ZNF778: variants seen among roughly 807,000 people sequenced by gnomAD.
ZNF778 encodes zinc finger protein 778.
In ZNF778, 37 loss-of-function variants were observed where a neutral mutation model predicts 23.9. That is an observed-to-expected ratio of 1.54 (90% CI 1.19 to 2.03). The LOEUF (loss-of-function observed/expected upper bound fraction) is 2.03. Among genes scored for constraint, ZNF778 ranks in the 30% most tolerant of loss-of-function variants. The probability of loss-of-function intolerance (pLI) is 0.00; values close to 1 mark genes in which losing one functional copy is unlikely to be tolerated. For missense variants in ZNF778, 1,297 were observed against 934.4 expected, an observed-to-expected ratio of 1.39 and a Z score of -5.06; for synonymous variants, 483 against 343.9, an observed-to-expected ratio of 1.40 and a Z score of -4.48.
In ZNF778 at chr16:89,233,808, G is replaced by A. The variant is rs573473858; in HGVS notation, c.*5246G>A. The A allele has an allele frequency of 2.0e-5, 26 of 1,291,050 alleles. No individual in the cohort carries two copies. Among genetic ancestry groups the A allele is most frequent in the African/African-American group, 4.6e-5 (3 of 65,914 alleles). 80.0% of individuals were successfully genotyped at this position (1,291,050 alleles called of 1,614,324 possible). A position where few individuals can be genotyped will look rare whatever the true frequency, so the allele number is the denominator to read the frequency against. ...GCGTATGCAACTCAGCTCGCACTGC[G>A]TATGCAACTCAACTGTTGCAAGTAC... On this transcript the variant is annotated 3_prime_UTR_variant, in exon 7 of 7. Transcript: ENST00000433976.
Position 89,228,944 on chromosome 16 carries a change from G to A in ZNF778, c.*382G>A, listed in dbSNP as rs887192130. 1.8e-5 allele frequency: 18 copies of A among 1,005,100 alleles called. No homozygotes were observed. The highest frequency in any genetic ancestry group is 2.1e-4 in the East Asian group (2 of 9,556). 62.3% of individuals were successfully genotyped at this position (1,005,100 alleles called of 1,614,324 possible). A position where few individuals can be genotyped will look rare whatever the true frequency, so the allele number is the denominator to read the frequency against. ...CATCTTTCCTCACCCTTTAGTAAAC[G>A]TGGTGATTGACACTTGAAGTGTTGT... On this transcript the variant is annotated 3_prime_UTR_variant, in exon 7 of 7. Coordinates refer to ENST00000433976, the MANE Select transcript of ZNF778 (RefSeq NM_001201407.2).
chr16:89,227,192 G>C lies in ZNF778; in HGVS notation c.904G>C (p.Val302Leu). The C allele has an allele frequency of 6.2e-7, 1 of 1,613,924 alleles. No homozygotes were observed. Among genetic ancestry groups the C allele is most frequent in the South Asian group, 1.1e-5 (1 of 91,080 alleles). ...TGCCTACCTTACTGGTCGCGTGCAA[G>C]TCCACCCTGGGGAAAAGCCCTGTGA... The part of the protein sequence containing the change: ...YTAYLTGRVQ[V>L]HPGEKPCELE... Residue 302 changes from valine to leucine, a missense_variant, in exon 7 of 7, where the codon GTC becomes CTC. By Grantham distance (32) the Val-to-Leu change is conservative (BLOSUM62 1). Transcript: ENST00000433976.
rs968692862 is a variant in ZNF778, at chr16:89,226,938, A to T, written c.650A>T (p.Gln217Leu). The T allele has an allele frequency of 6.2e-7, 1 of 1,613,894 alleles. No individual in the cohort carries two copies. Among genetic ancestry groups the T allele is most frequent in the African/African-American group, 1.3e-5 (1 of 74,932 alleles). Reference sequence around the variant, plus strand: ...TCTACTCCAAATGTTGTTTCCCAGCAAGCATGCACTCGGGACAGATCTCTT... The same window carrying T: ...TCTACTCCAAATGTTGTTTCCCAGCTAGCATGCACTCGGGACAGATCTCTT... ...FSSTPNVVSQ[Q>L]ACTRDRSLDY... Residue 217 changes from glutamine to leucine, a missense_variant, in exon 7 of 7, where the codon CAA becomes CTA. Physicochemically the swap from Gln to Leu is moderately radical, Grantham distance 113. Transcript: ENST00000433976.
Position 89,229,948 on chromosome 16 carries a change from G to T in ZNF778, c.*1386G>T, listed in dbSNP as rs923736545. 10 of 982,526 alleles carry T rather than the reference G, an allele frequency of 1.0e-5. No homozygotes were observed. Among genetic ancestry groups the T allele is most frequent in the Non-Finnish European group, 1.2e-5 (10 of 827,708 alleles). The allele number at this position is 982,526 out of a possible 1,614,324, so 60.9% of individuals were successfully genotyped here. ...GGATCCAGATGTGATTCTGTGAGCA[G>T]TGTAGGCTCTGGTTGGTTAGTCTTG... On this transcript the variant is annotated 3_prime_UTR_variant, in exon 7 of 7. Transcript: ENST00000433976.
At chr16:89,225,423 A>G (rs549686145) in intron 5 of ZNF778, 132 bp from the exon 6 acceptor site, 22 of 663,896 alleles carry the variant, frequency 3.3e-5, no homozygotes, top group Admixed American at 1.8e-4. Context: ...CCCAGTTCCT[A>G]TGATTCCAAA....
rs376715088 is a variant in ZNF778 at position 89,227,354 on chromosome 16, G to A, written c.1066G>A (p.Val356Ile). The A allele has an allele frequency of 2.4e-5, 38 of 1,613,806 alleles. No individual in the cohort carries two copies. The highest frequency in any genetic ancestry group is 4.5e-5 in the East Asian group (2 of 44,896). ...TGGACTCTCAGGTCTTTCTAAACAC[G>A]TCCAAACAGACCCTGGACAGAAGCC... ...FTGLSGLSKH[V>I]QTDPGQKPYE... The change falls in exon 7 of 7, where the codon GTC (valine) becomes ATC (isoleucine). Residue 356 changes from valine to isoleucine, a missense_variant. Coordinates refer to ENST00000433976, the MANE Select transcript of ZNF778 (RefSeq NM_001201407.2).
intron 1 of ZNF778, among the ~76,000 whole-genome samples, chr16:89,219,282 T>C (rs540636366): frequency 1.3e-5 from 2 of 152,350 alleles, no homozygotes; most frequent in East Asian, 3.9e-4. Context: ...ACAACCCCTG[T>C]GGTTTCTCTA....
At chr16:89,222,395 G>A (rs572426754) in intron 3 of ZNF778, among the ~76,000 whole-genome samples, 55 of 151,942 alleles carry the variant, frequency 3.6e-4, no homozygotes, top group African/African-American at 1.3e-3. Flanking sequence ...ACGGAGTCTC[G>A]CTTTGTCGCC....
chr16:89,218,211 T>G (rs946823388), intron 1 of ZNF778: 1 of 152,220 alleles, frequency 6.6e-6, no homozygotes, highest in Admixed American at 6.5e-5. Flanking sequence ...GTGTTTCGAC[T>G]AACTGTATTT....
intron 3 of ZNF778, among the ~76,000 whole-genome samples, chr16:89,222,943 A>ACGCGTGACTGGAGGAGAGCGACAGGGCG (rs2031106837): frequency 2.3e-5 from 3 of 128,486 alleles, no homozygotes; most frequent in African/African-American, 8.0e-5. Flanking sequence ...GCGACAGGGC[A>ACGCGTGACTGGAGGAGAGCGACAGGGCG]CGCGTGACTG....
intron 1 of ZNF778, among the ~76,000 whole-genome samples, chr16:89,220,538 G>A (rs1416149156): frequency 6.6e-6 from 1 of 152,198 alleles, no homozygotes; most frequent in Non-Finnish European, 1.5e-5. Flanking sequence ...CTCGCCTGTA[G>A]TCTCAGCTAC....
chr16:89,233,927 C>T lies in ZNF778; in HGVS notation c.*5365C>T, dbSNP rs936777267. 15 of 1,288,196 alleles carry T rather than the reference C, an allele frequency of 1.2e-5. No homozygotes were observed. In the Admixed American group the frequency reaches 3.4e-4, roughly 30 times the overall value. The allele number at this position is 1,288,196 out of a possible 1,614,324, so 79.8% of individuals were successfully genotyped here. A position where few individuals can be genotyped will look rare whatever the true frequency, so the allele number is the denominator to read the frequency against. On this transcript the variant is annotated 3_prime_UTR_variant, in exon 7 of 7. Transcript: ENST00000433976. ...CAGGATGAGGCACTAGACAGCAGGACATGCTGTATGCCCTTGGGCCTGCTG... is the reference window on the plus strand; with the variant it reads ...CAGGATGAGGCACTAGACAGCAGGATATGCTGTATGCCCTTGGGCCTGCTG...
chr16:89,232,509 C>G lies in ZNF778; in HGVS notation c.*3947C>G. The G allele has an allele frequency of 1.5e-6, 1 of 648,848 alleles. No homozygotes were observed. Among genetic ancestry groups the G allele is most frequent in the Non-Finnish European group, 2.2e-6 (1 of 452,136 alleles). 40.2% of individuals were successfully genotyped at this position (648,848 alleles called of 1,614,324 possible). ...TGGTTAGGCAGATACCTGTATTTCTCTTCCTAACTCTCAGAACGTGTTCTG... is the reference window on the plus strand; with the variant it reads ...TGGTTAGGCAGATACCTGTATTTCTGTTCCTAACTCTCAGAACGTGTTCTG... On this transcript the variant is annotated 3_prime_UTR_variant, in exon 7 of 7. Transcript: ENST00000433976.
chr16:89,228,420 A>G lies in ZNF778; in HGVS notation c.2132A>G (p.Asn711Ser), dbSNP rs1483870529. The stretch of plus-strand genomic sequence containing the variant: ...TGTAAGGAATGTGGGAAAGCATACA[A>G]TAGGTTTTATCTACTAAAAGAACAT... ...YKCKECGKAY[N>S]RFYLLKEHLK... The change falls in exon 7 of 7, where the codon AAT becomes AGT. Residue 711 changes from asparagine (N) to serine (S), a missense_variant. Transcript: ENST00000433976. 9.3e-6 allele frequency: 15 copies of G among 1,613,882 alleles called. No homozygotes were observed. The highest frequency in any genetic ancestry group is 4.0e-5 in the African/African-American group (3 of 74,926).
rs1166059629 is a variant in ZNF778, at chr16:89,227,926, T to C, written c.1638T>C (p.Tyr546=). The C allele has an allele frequency of 1.2e-6, 2 of 1,613,902 alleles. No individual in the cohort carries two copies. Among genetic ancestry groups the C allele is most frequent in the East Asian group, 2.2e-5 (1 of 44,858 alleles). The change falls in exon 7 of 7, where the codon TAT becomes TAC. Residue 546 remains tyrosine, a synonymous_variant. Coordinates refer to ENST00000433976, the MANE Select transcript of ZNF778 (RefSeq NM_001201407.2). ...GTGGGAAAGCCTACAATAGGGTTTA[T>C]CTACTGAATGAGCATGTGAAAACTC... is the stretch of plus-strand genomic sequence containing the variant. ...KDCGKAYNRV[Y]LLNEHVKTHT...
In ZNF778 at chr16:89,226,815, A is replaced by C. The variant is rs2031512037; in HGVS notation, c.527A>C (p.Asn176Thr). ...TQNTGDSCVS[N>T]HYERDFFIPC... The stretch of plus-strand genomic sequence containing the variant: ...AATACAGGAGACAGTTGTGTGTCTA[A>C]TCATTATGAAAGGGACTTTTTTATT... The change falls in exon 7 of 7, where the codon AAT (asparagine) becomes ACT (threonine). Residue 176 changes from asparagine to threonine, a missense_variant. Coordinates refer to ENST00000433976, the MANE Select transcript of ZNF778 (RefSeq NM_001201407.2). 6.2e-7 allele frequency: 1 copy of C among 1,614,022 alleles called. No homozygotes were observed. Among genetic ancestry groups the C allele is most frequent in the African/African-American group, 1.3e-5 (1 of 75,050 alleles).
Position 89,227,806 on chromosome 16 carries a change from A to G in ZNF778, c.1518A>G (p.Glu506=), listed in dbSNP as rs897537071. Reference sequence around the variant, plus strand: ...TCCATACCGGAGAGAAACCCTACGAATGTAAGCAGTGTGGCAAAGCCTTCA... The same window carrying G: ...TCCATACCGGAGAGAAACCCTACGAGTGTAAGCAGTGTGGCAAAGCCTTCA... ...ARIHTGEKPY[E]CKQCGKAFTG... is the part of the protein sequence containing the mutation. Residue 506 remains glutamate (E), a synonymous_variant, in exon 7 of 7, where the codon GAA becomes GAG. Coordinates refer to ENST00000433976, the MANE Select transcript of ZNF778 (RefSeq NM_001201407.2). The G allele has an allele frequency of 1.2e-5, 19 of 1,614,100 alleles. No individual in the cohort carries two copies. Among genetic ancestry groups the G allele is most frequent in the Non-Finnish European group, 1.5e-5 (18 of 1,179,968 alleles).
chr16:89,227,707 A>G lies in ZNF778; in HGVS notation c.1419A>G (p.Gly473=). 1 of 1,614,180 alleles carries G rather than the reference A, an allele frequency of 6.2e-7. No individual in the cohort carries two copies. The highest frequency in any genetic ancestry group is 8.5e-7 in the Non-Finnish European group (1 of 1,180,020). The part of the protein sequence containing the change: ...GLTEHVRTHT[G]EKPYECKDCG... ...CTGAGCATGTAAGGACTCACACTGG[A>G]GAGAAACCATATGAATGTAAAGATT... Residue 473 remains glycine (G), a synonymous_variant, in exon 7 of 7, where the codon GGA becomes GGG. Coordinates refer to ENST00000433976, the MANE Select transcript of ZNF778 (RefSeq NM_001201407.2).
rs543181592 is a variant in ZNF778, at chr16:89,227,766, C to G, written c.1478C>G (p.Thr493Ser). 6.2e-7 allele frequency: 1 copy of G among 1,613,026 alleles called. No homozygotes were observed. The highest frequency in any genetic ancestry group is 8.5e-7 in the Non-Finnish European group (1 of 1,179,202). Residue 493 changes from threonine (T) to serine (S), a missense_variant, in exon 7 of 7, where the codon ACT (threonine) becomes AGT (serine). Thr to Ser is a moderately conservative substitution (Grantham distance 58). Transcript: ENST00000433976. Reference protein sequence around the residue: ...GKSFTVSSSLTEHARIHTGEK... With the variant: ...GKSFTVSSSLSEHARIHTGEK... ...TCCTTCACTGTTTCTTCAAGCCTGA[C>G]TGAGCACGCGAGAATCCATACCGGA...
Sources: gnomAD v4.1 joint callset for allele counts (sites outside exome capture counted in the v4.1 genomes callset) on GRCh38, gnomAD v4.1.1 for gene constraint, MANE v1.5 for transcripts, NCBI Gene and HGNC (gene_info 2026-07-23, HGNC 2026-07-21) for gene names.